UPK1B: variants seen among roughly 807,000 people sequenced by gnomAD.
UPK1B encodes uroplakin-1b.
Under a neutral mutation model 34.2 loss-of-function variants are expected in UPK1B, and 28 were observed. That is an observed-to-expected ratio of 0.82 (90% confidence interval 0.61 to 1.12). The LOEUF (loss-of-function observed/expected upper bound fraction) is 1.12. UPK1B is among the 50% of genes most tolerant of loss of function. UPK1B has a pLI of 0.00. For synonymous variants in UPK1B, 81 were observed against 110.4 expected, an observed-to-expected ratio of 0.73 and a Z score of 1.67; for missense variants, 325 against 320.9, an observed-to-expected ratio of 1.01 and a Z score of -0.10.
chr3:119,182,989 G>A (rs1380312731), intron 1 of UPK1B, among the ~76,000 whole-genome samples: 3 of 152,062 alleles, frequency 2.0e-5, no homozygotes, highest in Non-Finnish European at 2.9e-5. Flanking sequence ...CGTGTCCAGG[G>A]GCTAAAGAGA....
chr3:119,174,152 T>C (rs1392621564), intron 1 of UPK1B, among the ~76,000 whole-genome samples: 1 of 152,242 alleles, frequency 6.6e-6, no homozygotes, highest in Non-Finnish European at 1.5e-5. Flanking sequence ...CAACCTGTAA[T>C]GAAATGTGTG....
intron 1 of UPK1B, among the ~76,000 whole-genome samples, chr3:119,179,321 TGAGAGAGAGAGAGG>T (rs1309282227): frequency 1.2e-4 from 13 of 108,734 alleles, no homozygotes; most frequent in East Asian, 5.2e-4. Context: ...AAGACCCTGT[TGAGAGAGAGAGAGG>T]GAGAGAGAGA....
chr3:119,194,062 G>T (rs1285342861), intron 5 of UPK1B, among the ~76,000 whole-genome samples, 157 bp from the exon 6 acceptor site: 1 of 152,168 alleles, frequency 6.6e-6, no homozygotes, highest in Non-Finnish European at 1.5e-5. Context: ...TAAGTTGTAA[G>T]TTATCAATAC....
intron 6 of UPK1B, among the ~76,000 whole-genome samples, chr3:119,196,836 C>T (rs1314849560): frequency 6.6e-6 from 1 of 151,988 alleles, no homozygotes; most frequent in Non-Finnish European, 1.5e-5. Context: ...CCGTGCCCAG[C>T]CTGGTTTTTG....
In UPK1B at chr3:119,194,223, A is replaced by G; in HGVS notation, c.473A>G (p.Asn158Ser). The G allele has an allele frequency of 6.2e-7, 1 of 1,613,756 alleles. No homozygotes were observed. ...GTATCTCTCATCTGCTGACAGGACA[A>G]TTGCTGTGGCGTAAATGGTCCATCA... is the stretch of plus-strand genomic sequence containing the variant. ...KTWDRLMLQD[N>S]CCGVNGPSDW... Residue 158 changes from asparagine to serine, a missense_variant, in exon 6 of 8, where the codon AAT becomes AGT. By Grantham distance (46) the Asn-to-Ser change is conservative. Coordinates refer to ENST00000264234, the MANE Select transcript of UPK1B (RefSeq NM_006952.4).
At chr3:119,177,472 G>A (rs2077962290) in intron 1 of UPK1B, among the ~76,000 whole-genome samples, 1 of 152,146 alleles carries the variant, frequency 6.6e-6, no homozygotes, top group South Asian at 2.1e-4. Context: ...TTCTCTCTGT[G>A]AGCCTTAAAT....
intron 1 of UPK1B, among the ~76,000 whole-genome samples, chr3:119,177,754 C>T (rs1238902437): frequency 6.6e-6 from 1 of 152,160 alleles, no homozygotes; most frequent in East Asian, 1.9e-4. Flanking sequence ...ATTTTTGTGG[C>T]TTCAGAATAT....
chr3:119,176,603 A>G (rs2077958227), intron 1 of UPK1B, among the ~76,000 whole-genome samples: 1 of 152,200 alleles, frequency 6.6e-6, no homozygotes, highest in Admixed American at 6.5e-5. Context: ...CACAGGGGCT[A>G]TTCCTTTACA....
chr3:119,195,491 T>G (rs2078062864), intron 6 of UPK1B, among the ~76,000 whole-genome samples: 1 of 152,216 alleles, frequency 6.6e-6, no homozygotes, highest in Non-Finnish European at 1.5e-5. Context: ...ATGGGAGTGT[T>G]CTAGATTATT....
intron 7 of UPK1B, among the ~76,000 whole-genome samples, chr3:119,202,878 G>A (rs1379590039): frequency 6.6e-6 from 1 of 152,132 alleles, no homozygotes; most frequent in Middle Eastern, 3.2e-3. Flanking sequence ...TAGCACAGAC[G>A]AGAAGGGCAA....
intron 6 of UPK1B, 100 bp downstream of exon 6, chr3:119,194,498 C>A: frequency 8.8e-7 from 1 of 1,141,578 alleles, no homozygotes; most frequent in Non-Finnish European, 1.2e-6. Context: ...GTAAGGAATT[C>A]TACATTCTTT....
chr3:119,180,095 C>T (rs749508692), intron 1 of UPK1B, among the ~76,000 whole-genome samples: 3 of 152,112 alleles, frequency 2.0e-5, no homozygotes, highest in Non-Finnish European at 2.9e-5. Flanking sequence ...GGATTACAGG[C>T]GTGAGCCACC....
At chr3:119,183,415 C>A (rs963488691) in intron 1 of UPK1B, among the ~76,000 whole-genome samples, 3 of 152,116 alleles carry the variant, frequency 2.0e-5, no homozygotes, top group African/African-American at 7.2e-5. Flanking sequence ...GCACCCGCCA[C>A]CATGCTCGGC....
At position 119,190,306 on chromosome 3, in the gene UPK1B, CACA is replaced by C. The variant is rs1216853196; in HGVS notation, c.337_339del (p.Gln113del). ...GTGGCATCTTGTATCACAGCAGCAA[CACA>C]ACAAGACTTTGTGAGTACAACCTCA... On this transcript the variant is annotated inframe_deletion, in exon 4 of 8. Transcript: ENST00000264234. 4.3e-6 allele frequency: 7 copies of C among 1,611,920 alleles called. No individual in the cohort carries two copies. Among genetic ancestry groups the C allele is most frequent in the East Asian group, 2.2e-5 (1 of 44,858 alleles).
At chr3:119,199,605 C>T (rs1185565901) in intron 7 of UPK1B, among the ~76,000 whole-genome samples, 4 of 152,244 alleles carry the variant, frequency 2.6e-5, no homozygotes, top group Non-Finnish European at 5.9e-5. Context: ...GACGCATATG[C>T]AGCAAGAGGT....
chr3:119,194,162 T>C, intron 5 of UPK1B, 57 bp from the exon 6 acceptor site: 1 of 1,491,452 alleles, frequency 6.7e-7, no homozygotes, highest in Non-Finnish European at 9.0e-7. Flanking sequence ...AGTTGCTACA[T>C]TGATGGCTCT....
Position 119,204,117 on chromosome 3 carries a change from C to A in UPK1B, c.*150C>A. 1.2e-6 allele frequency: 1 copy of A among 803,996 alleles called. No homozygotes were observed. The allele number at this position is 803,996 out of a possible 1,614,324, so 49.8% of individuals were successfully genotyped here. ...AGATGGTACGGACTTCCTTTAGGAT[C>A]TCAGGCTTCTGCAGTTCTCATGACT... On this transcript the variant is annotated 3_prime_UTR_variant, in exon 8 of 8. Transcript: ENST00000264234.
intron 1 of UPK1B, among the ~76,000 whole-genome samples, chr3:119,183,206 G>C (rs2077997032): frequency 6.6e-6 from 1 of 151,966 alleles, no homozygotes; most frequent in Admixed American, 6.6e-5. Context: ...TTCAGTCTCA[G>C]CTTCTGCACT....
Position 119,199,098 on chromosome 3 carries a change from C to CT in UPK1B, c.691dup (p.Trp231LeufsTer29), listed in dbSNP as rs780334569. ...TCTCTGGTCCAATGAACCGACACGC[C>CT]TGGGGGGTTGCCTGGTTTGGATTTG... On this transcript the variant is annotated frameshift_variant, in exon 7 of 8. Coordinates refer to ENST00000264234, the MANE Select transcript of UPK1B (RefSeq NM_006952.4). LOFTEE classifies it high-confidence loss of function. The CT allele has an allele frequency of 9.9e-6, 16 of 1,614,028 alleles. No homozygotes were observed. In the Admixed American group the frequency reaches 2.2e-4, roughly 22 times the overall value.
Sources: allele counts gnomAD v4.1 joint callset (sites outside exome capture counted in the v4.1 genomes callset), GRCh38; gene constraint gnomAD v4.1.1; transcripts MANE v1.5; gene names NCBI Gene and HGNC (gene_info 2026-07-23, HGNC 2026-07-21).